PCDHA7: variants seen among roughly 807,000 people sequenced by gnomAD.
The protein encoded by PCDHA7 is protocadherin alpha-7.
In PCDHA7, 37 loss-of-function variants were observed where a neutral mutation model predicts 57.2. The ratio of observed to expected loss-of-function variants is 0.65; its 90% CI spans 0.50 to 0.85. The LOEUF (loss-of-function observed/expected upper bound fraction) is 0.85. Among genes scored for constraint, PCDHA7 ranks in the 40% least tolerant of loss-of-function variants. The pLI is 0.00. For synonymous variants in PCDHA7, 553 were observed against 558.8 expected (o/e 0.99, Z 0.15); for missense variants, 1,188 against 1,241.8 (o/e 0.96, Z 0.65).
At chr5:140,838,624 A>G (rs181370925) in intron 1 of PCDHA7, among the ~76,000 whole-genome samples, 2 of 152,192 alleles carry the variant, frequency 1.3e-5, no homozygotes, top group Admixed American at 1.3e-4. Flanking sequence ...TTTTTTACAA[A>G]TAATTTGGTT....
At chr5:140,969,244 G>A (rs1345944804) in intron 1 of PCDHA7, 2 of 1,614,088 alleles carry the variant, frequency 1.2e-6, no homozygotes, top group Non-Finnish European at 1.7e-6. Flanking sequence ...AAGCAGCAGT[G>A]ACTGACAGCA....
chr5:140,883,696 G>T (rs142212706), intron 1 of PCDHA7: 2 of 1,613,818 alleles, frequency 1.2e-6, no homozygotes, highest in Non-Finnish European at 1.7e-6. Flanking sequence ...ACATCTTCAC[G>T]GTGTCTGCTC....
At chr5:140,901,181 G>A (rs2068491755) in intron 1 of PCDHA7, among the ~76,000 whole-genome samples, 1 of 152,010 alleles carries the variant, frequency 6.6e-6, no homozygotes, top group African/African-American at 2.4e-5. Flanking sequence ...TTTGTTGATT[G>A]TTTGCTTTTC....
At chr5:140,913,959 T>TA (rs1562996315) in intron 1 of PCDHA7, among the ~76,000 whole-genome samples, 4 of 152,166 alleles carry the variant, frequency 2.6e-5, no homozygotes, top group African/African-American at 7.2e-5. Context: ...GATATCATTT[T>TA]TAAAAAAATA....
chr5:140,840,576 A>C (rs1264610441), intron 1 of PCDHA7, among the ~76,000 whole-genome samples: 1 of 152,090 alleles, frequency 6.6e-6, no homozygotes, highest in African/African-American at 2.4e-5. Flanking sequence ...GGCATGTCAG[A>C]GAAATCATAA....
At chr5:140,925,219 AG>A (rs1324328907) in intron 1 of PCDHA7, among the ~76,000 whole-genome samples, 1 of 152,238 alleles carries the variant, frequency 6.6e-6, no homozygotes, top group Admixed American at 6.5e-5. Context: ...ACTTTTAGGC[AG>A]GTTTCTACCA....
rs146333783 is a variant in PCDHA7 at position 140,850,797 on chromosome 5, G to T, written c.2355+14059G>T. On this transcript the variant is annotated intron_variant, in intron 1 of 3. Transcript: ENST00000525929. ...CTCTGGCGAGGGTAAGCAGAAGACC[G>T]ACCTCATGGCCTTCAGCCCGGGCCT... 279 of 1,598,230 alleles carry T rather than the reference G, an allele frequency of 1.7e-4. 20 individuals carry two copies. The highest frequency in any genetic ancestry group is 2.3e-4 in the Non-Finnish European group (264 of 1,167,772).
intron 1 of PCDHA7, among the ~76,000 whole-genome samples, chr5:140,895,700 A>G (rs2065117583): frequency 6.6e-6 from 1 of 152,022 alleles, no homozygotes; most frequent in Non-Finnish European, 1.5e-5. Context: ...ATATTAATTC[A>G]CTTGGGATAA....
rs1554135129 is a variant in PCDHA7 at position 140,835,628 on chromosome 5, C to G, written c.1245C>G (p.Arg415=). 2 of 1,613,772 alleles carry G rather than the reference C, an allele frequency of 1.2e-6. No individual in the cohort carries two copies. The highest frequency in any genetic ancestry group is 1.3e-5 in the African/African-American group (1 of 74,918). The change falls in exon 1 of 4, where the codon CGC becomes CGG. Residue 415 remains arginine, a synonymous_variant. Transcript: ENST00000525929. ...TGGTGCTGGACAGCGCTCTGGACCG[C>G]GAGAGTGTGTCCGCCTATGAGCTGG... ...YSLVLDSALD[R]ESVSAYELVV...
chr5:140,876,326 T>C, intron 1 of PCDHA7: 4 of 1,614,046 alleles, frequency 2.5e-6, no homozygotes, highest in Non-Finnish European at 3.4e-6. Context: ...AAAATGATTT[T>C]GCCAGTGAGT....
At chr5:140,856,761 C>A (rs377564040) in intron 1 of PCDHA7, 2 of 1,596,482 alleles carry the variant, frequency 1.3e-6, no homozygotes, top group African/African-American at 2.7e-5. Context: ...AATGATAACG[C>A]CCCTATCTTT....
intron 1 of PCDHA7, chr5:140,849,642 G>C (rs2150443693): frequency 3.8e-6 from 6 of 1,598,700 alleles, no homozygotes; most frequent in Admixed American, 3.4e-5. Flanking sequence ...AGATGCCAAC[G>C]GGCAGGTTAC....
intron 1 of PCDHA7, among the ~76,000 whole-genome samples, chr5:140,839,119 A>T (rs1433775897): frequency 1.3e-5 from 2 of 151,922 alleles, no homozygotes; most frequent in Non-Finnish European, 2.9e-5. Flanking sequence ...TTAAGCCATA[A>T]TATGTCATTC....
At chr5:140,953,228 G>C (rs2094861370) in intron 1 of PCDHA7, among the ~76,000 whole-genome samples, 2 of 152,124 alleles carry the variant, frequency 1.3e-5, no homozygotes, top group African/African-American at 4.8e-5. Context: ...CTTCTGCTTG[G>C]TAGCAGTTCA....
chr5:140,987,207 C>A (rs1475441121), intron 3 of PCDHA7, among the ~76,000 whole-genome samples: 1 of 148,672 alleles, frequency 6.7e-6, no homozygotes, highest in African/African-American at 2.5e-5. Context: ...GAGTGAGACT[C>A]CATCTCAAAA....
intron 1 of PCDHA7, among the ~76,000 whole-genome samples, chr5:140,906,547 C>T (rs2072745421): frequency 6.6e-6 from 1 of 152,218 alleles, no homozygotes; most frequent in Non-Finnish European, 1.5e-5. Flanking sequence ...CTCATTTCTG[C>T]AACTGGTTGT....
In PCDHA7 at chr5:140,858,056, G is replaced by A; in HGVS notation, c.2355+21318G>A. ...GGCCACTGTGCTTGTGTCGCTTGTG[G>A]AGGGCAGCCAGGCACCCAAGGCCTC... is the stretch of plus-strand genomic sequence containing the variant. On this transcript the variant is annotated intron_variant, in intron 1 of 3. Transcript: ENST00000525929. 1.9e-6 allele frequency: 3 copies of A among 1,597,644 alleles called. 1 individual carries two copies. The highest frequency in any genetic ancestry group is 2.6e-6 in the Non-Finnish European group (3 of 1,167,552).
chr5:140,989,533 T>A (rs114286041), intron 3 of PCDHA7, among the ~76,000 whole-genome samples: 1 of 152,158 alleles, frequency 6.6e-6, no homozygotes, highest in Non-Finnish European at 1.5e-5. Context: ...AGGAGGAAGA[T>A]AGTTTGTAAT....
intron 1 of PCDHA7, among the ~76,000 whole-genome samples, chr5:140,878,711 G>A (rs944193090): frequency 6.6e-5 from 10 of 152,156 alleles, no homozygotes; most frequent in East Asian, 1.9e-4. Context: ...GGTAGTAAAG[G>A]CATTAAAATT....
Sources: allele counts gnomAD v4.1 joint callset (sites outside exome capture counted in the v4.1 genomes callset), GRCh38; gene constraint gnomAD v4.1.1; transcripts MANE v1.5; gene names NCBI Gene and HGNC (gene_info 2026-07-23, HGNC 2026-07-21).